The following VEGFC variants were observed in gnomAD, a reference collection of about 807,000 sequenced individuals.
The protein encoded by VEGFC is FLT4 ligand DHM.
VEGFC carries 12 observed loss-of-function variants against 46.1 expected under a neutral mutation model. The observed-to-expected ratio is 0.26, with a 90% CI of 0.17 to 0.42. VEGFC has a LOEUF of 0.42. Ranked by LOEUF, VEGFC falls within the 10% of genes least tolerant of loss-of-function variation. VEGFC has a pLI of 1.00. For missense variants in VEGFC, 488 were observed against 529.4 expected (o/e 0.92, Z 0.77); for synonymous variants, 232 against 195.5 (o/e 1.19, Z -1.56).
intron 1 of VEGFC, among the ~76,000 whole-genome samples, chr4:176,734,629 G>C (rs2111023669): frequency 6.6e-6 from 1 of 151,878 alleles, no homozygotes; most frequent in East Asian, 1.9e-4. Flanking sequence ...CAAAAACTGA[G>C]TGAAAGGAAT....
intron 6 of VEGFC, among the ~76,000 whole-genome samples, chr4:176,685,331 A>C (rs1252540021): frequency 6.6e-6 from 1 of 152,244 alleles, no homozygotes; most frequent in Non-Finnish European, 1.5e-5. Flanking sequence ...TGAACCAAAG[A>C]ATATATACTC....
Position 176,792,607 on chromosome 4 carries a change from AG to A in VEGFC, c.-297del. The A allele has an allele frequency of 3.4e-6, 1 of 291,742 alleles. No individual in the cohort carries two copies. The highest frequency in any genetic ancestry group is 1.3e-4 in the South Asian group (1 of 7,492). The allele number at this position is 291,742 out of a possible 1,614,324, so 18.1% of individuals were successfully genotyped here. A position where few individuals can be genotyped will look rare whatever the true frequency, so the allele number is the denominator to read the frequency against. ...GAGCCCGCGAGGTGAAGCGAGGGCG[AG>A]GGAGGACGCCGCCGCGGTCCGCGTC... On this transcript the variant is annotated 5_prime_UTR_variant, in exon 1 of 7. It removes the in-frame stop codon of an upstream open reading frame in the 5' UTR. Coordinates refer to ENST00000618562, the MANE Select transcript of VEGFC (RefSeq NM_005429.5). The surrounding 1 kb of genome is among the most constrained non-coding windows in gnomAD (Gnocchi z 6.3).
rs766890973 is a variant in VEGFC, at chr4:176,687,300, T to C, written c.1032A>G (p.Lys344=). The change falls in exon 6 of 7, where the codon AAA becomes AAG. Residue 344 remains lysine (K), a synonymous_variant. Coordinates refer to ENST00000618562, the MANE Select transcript of VEGFC (RefSeq NM_005429.5). ...GGGGTTGATTTCTGGGGCAGGTTCTTTTACATACACACTGGCATGTGTTTT... is the reference window on the plus strand; with the variant it reads ...GGGGTTGATTTCTGGGGCAGGTTCTCTTACATACACACTGGCATGTGTTTT... ...FDENTCQCVC[K]RTCPRNQPLN... 1 of 1,614,208 alleles carries C rather than the reference T, an allele frequency of 6.2e-7. No individual in the cohort carries two copies. The highest frequency in any genetic ancestry group is 1.3e-5 in the African/African-American group (1 of 75,056).
intron 1 of VEGFC, among the ~76,000 whole-genome samples, chr4:176,732,452 T>G (rs1009904083): frequency 1.4e-4 from 22 of 152,012 alleles, no homozygotes; most frequent in African/African-American, 5.3e-4. Flanking sequence ...GTCTCTTAGG[T>G]ACAGATTGGT....
intron 4 of VEGFC, among the ~76,000 whole-genome samples, chr4:176,703,188 T>C (rs567790050): frequency 1.5e-3 from 223 of 152,218 alleles, no homozygotes; most frequent in Non-Finnish European, 2.2e-3. Flanking sequence ...AAGGGAACTT[T>C]TTTGTTTTGT....
chr4:176,713,832 G>A (rs557261714), intron 3 of VEGFC, among the ~76,000 whole-genome samples: 4 of 152,300 alleles, frequency 2.6e-5, no homozygotes, highest in East Asian at 1.9e-4. Flanking sequence ...TCAAGCCAAC[G>A]GGTGCCAGAG....
At chr4:176,701,038 A>G (rs975161948) in intron 4 of VEGFC, among the ~76,000 whole-genome samples, 11 of 152,188 alleles carry the variant, frequency 7.2e-5, no homozygotes, top group Non-Finnish European at 1.3e-4. Context: ...CATCATTTAT[A>G]CCTTTGTCAA....
At chr4:176,786,176 T>G (rs181352475) in intron 1 of VEGFC, among the ~76,000 whole-genome samples, 1 of 152,148 alleles carries the variant, frequency 6.6e-6, no homozygotes, top group African/African-American at 2.4e-5. Flanking sequence ...TGTGCAACAA[T>G]GCCAGGTTAA....
At chr4:176,758,108 A>G (rs1735465362) in intron 1 of VEGFC, among the ~76,000 whole-genome samples, 1 of 152,044 alleles carries the variant, frequency 6.6e-6, no homozygotes, top group Admixed American at 6.6e-5. Flanking sequence ...AATTCTTTGT[A>G]TTTTTAACCC....
intron 4 of VEGFC, among the ~76,000 whole-genome samples, chr4:176,711,082 T>A (rs1531956): frequency 6.6e-6 from 1 of 152,048 alleles, no homozygotes; most frequent in Non-Finnish European, 1.5e-5. Flanking sequence ...AGCAACTGAA[T>A]GCTAATAGAT....
intron 4 of VEGFC, among the ~76,000 whole-genome samples, chr4:176,701,972 G>A (rs888283570): frequency 1.3e-5 from 2 of 152,106 alleles, no homozygotes; most frequent in South Asian, 4.1e-4. Context: ...AAGCAATAAT[G>A]TATAACCTTC....
intron 3 of VEGFC, among the ~76,000 whole-genome samples, chr4:176,719,693 T>C (rs890320961): frequency 2.6e-5 from 4 of 152,196 alleles, no homozygotes; most frequent in African/African-American, 9.7e-5. Context: ...ACTTTGTGCA[T>C]AGCATGCTTT....
chr4:176,707,941 G>C (rs1471091066), intron 4 of VEGFC, among the ~76,000 whole-genome samples: 1 of 151,784 alleles, frequency 6.6e-6, no homozygotes, highest in Non-Finnish European at 1.5e-5. Context: ...CTTGAGCTTT[G>C]AGAATTAAAT....
At chr4:176,735,434 C>T (rs193037952) in intron 1 of VEGFC, among the ~76,000 whole-genome samples, 11 of 151,524 alleles carry the variant, frequency 7.3e-5, no homozygotes, top group Non-Finnish European at 1.5e-4. Context: ...GTCTTTGAAC[C>T]GATAAGTTTC....
At chr4:176,728,008 C>T (rs182381912) in intron 2 of VEGFC, 40 bp from the exon 3 acceptor site, 1 of 1,504,368 alleles carries the variant, frequency 6.6e-7, no homozygotes, top group Non-Finnish European at 8.9e-7. Context: ...TTACGGAAAC[C>T]ACCAAGATAA....
chr4:176,772,292 C>T (rs183603033), intron 1 of VEGFC, among the ~76,000 whole-genome samples: 102 of 152,164 alleles, frequency 6.7e-4, no homozygotes, highest in Non-Finnish European at 5.9e-5. Flanking sequence ...CTCTGTTATG[C>T]GATTTGACAC....
At chr4:176,713,628 T>C (rs1734653031) in intron 3 of VEGFC, among the ~76,000 whole-genome samples, 2 of 152,156 alleles carry the variant, frequency 1.3e-5, no homozygotes, top group Admixed American at 6.6e-5. Flanking sequence ...TGAAAAGTCA[T>C]GAACATTTAA....
chr4:176,774,251 T>C (rs1394695299), intron 1 of VEGFC, among the ~76,000 whole-genome samples: 4 of 118,676 alleles, frequency 3.4e-5, no homozygotes, highest in African/African-American at 5.0e-5. Flanking sequence ...GCAGATAATT[T>C]TAATAGAATG....
chr4:176,761,313 G>A (rs1735527045), intron 1 of VEGFC, among the ~76,000 whole-genome samples: 1 of 152,262 alleles, frequency 6.6e-6, no homozygotes, highest in South Asian at 2.1e-4. Flanking sequence ...AGGATCATAA[G>A]TATAAAAATA....
Sources: allele counts gnomAD v4.1 joint callset (sites outside exome capture counted in the v4.1 genomes callset), GRCh38; gene constraint gnomAD v4.1.1; non-coding constraint Gnocchi (gnomAD v3.1); transcripts MANE v1.5; gene names NCBI Gene and HGNC (gene_info 2026-07-23, HGNC 2026-07-21).